The following TUFT1 variants were observed in gnomAD, a reference collection of about 807,000 sequenced individuals.
The protein encoded by TUFT1 is tuftelin.
TUFT1 carries 43 observed loss-of-function variants against 57.8 expected under a neutral mutation model. The ratio of observed to expected loss-of-function variants is 0.74; its 90% CI spans 0.58 to 0.96. TUFT1 has a LOEUF of 0.96. TUFT1 is among the 40% of genes least tolerant of loss of function. The pLI is 0.00. For missense variants in TUFT1, 459 were observed against 489.0 expected, an observed-to-expected ratio of 0.94 and a Z score of 0.58; for synonymous variants, 166 against 176.7, an observed-to-expected ratio of 0.94 and a Z score of 0.48.
At chr1:151,573,760 T>C (rs1003492799) in intron 7 of TUFT1, among the ~76,000 whole-genome samples, 3 of 152,016 alleles carry the variant, frequency 2.0e-5, no homozygotes, top group African/African-American at 7.2e-5. Context: ...AAAATAATAA[T>C]AATAAATAAA....
chr1:151,551,987 C>T (rs1360929479), intron 1 of TUFT1, among the ~76,000 whole-genome samples: 2 of 152,150 alleles, frequency 1.3e-5, no homozygotes, highest in Non-Finnish European at 2.9e-5. Context: ...TGCAGAAGCC[C>T]CCTCATGTCC....
At position 151,581,502 on chromosome 1, in the gene TUFT1, A is replaced by T. The variant is rs571917177; in HGVS notation, c.1110-142A>T. On this transcript the variant is annotated intron_variant, in intron 12 of 12. Coordinates refer to ENST00000368849, the MANE Select transcript of TUFT1 (RefSeq NM_020127.3). Reference sequence around the variant, plus strand: ...GTTGTCACTGATAATTACTGTTTTAAAGCACTTGGAACCCAAGTGATCAGC... The same window carrying T: ...GTTGTCACTGATAATTACTGTTTTATAGCACTTGGAACCCAAGTGATCAGC... 1.8e-5 allele frequency: 13 copies of T among 740,506 alleles called. No homozygotes were observed. In the African/African-American group the frequency reaches 1.9e-4, roughly 11 times the overall value. 45.9% of individuals were successfully genotyped at this position (740,506 alleles called of 1,614,324 possible). A position where few individuals can be genotyped will look rare whatever the true frequency, so the allele number is the denominator to read the frequency against.
chr1:151,577,037 G>A (rs1241305314), intron 9 of TUFT1, among the ~76,000 whole-genome samples: 1 of 152,132 alleles, frequency 6.6e-6, no homozygotes, highest in Admixed American at 6.6e-5. Context: ...CCTTCCTAAA[G>A]TGCTGGGATT....
chr1:151,541,582 A>G (rs1665168954), intron 1 of TUFT1, among the ~76,000 whole-genome samples: 2 of 151,932 alleles, frequency 1.3e-5, no homozygotes, highest in African/African-American at 4.8e-5. Context: ...AGCTAACCCA[A>G]CTGCAGCTAG....
chr1:151,572,807 C>T (rs1666299564), intron 7 of TUFT1, among the ~76,000 whole-genome samples: 1 of 152,222 alleles, frequency 6.6e-6, no homozygotes, highest in African/African-American at 2.4e-5. Context: ...CGTCCCATCA[C>T]ACATCACCTG....
chr1:151,544,665 C>T (rs371614920), intron 1 of TUFT1, among the ~76,000 whole-genome samples: 8 of 152,274 alleles, frequency 5.3e-5, no homozygotes, highest in African/African-American at 9.6e-5. Context: ...GACGTGATCT[C>T]GGACATTTAA....
chr1:151,567,114 T>C (rs1666110747), intron 6 of TUFT1, among the ~76,000 whole-genome samples: 1 of 152,206 alleles, frequency 6.6e-6, no homozygotes, highest in Admixed American at 6.5e-5. Flanking sequence ...TTGCCCAGGC[T>C]GCTCTTGAAT....
At chr1:151,561,396 C>G (rs187535572) in intron 1 of TUFT1, among the ~76,000 whole-genome samples, 1 of 151,446 alleles carries the variant, frequency 6.6e-6, no homozygotes, top group South Asian at 2.1e-4. Context: ...CGCCTGTAGT[C>G]CCAGCTACTT....
chr1:151,579,211 T>A (rs1666571175), intron 10 of TUFT1, among the ~76,000 whole-genome samples: 2 of 152,174 alleles, frequency 1.3e-5, no homozygotes, highest in South Asian at 4.1e-4. Flanking sequence ...ACTTAGGATT[T>A]GTCTATTTGC....
At chr1:151,551,076 A>G (rs1665493361) in intron 1 of TUFT1, among the ~76,000 whole-genome samples, 1 of 152,334 alleles carries the variant, frequency 6.6e-6, no homozygotes, top group South Asian at 2.1e-4. Flanking sequence ...AATCCCCCCA[A>G]AATAGCTCAT....
At position 151,582,140 on chromosome 1, in the gene TUFT1, T is replaced by C; in HGVS notation, c.*433T>C. On this transcript the variant is annotated 3_prime_UTR_variant, in exon 13 of 13. Transcript: ENST00000368849. The stretch of plus-strand genomic sequence containing the variant: ...TGGAGAATGTCCTGGGGGAATGAAG[T>C]TCCTTCCACAAACACAGCTCAGTTC... The C allele has an allele frequency of 2.2e-6, 1 of 463,198 alleles. No individual in the cohort carries two copies. The allele number at this position is 463,198 out of a possible 1,614,324, so 28.7% of individuals were successfully genotyped here.
At chr1:151,571,399 T>C (rs1381308455) in intron 7 of TUFT1, among the ~76,000 whole-genome samples, 2 of 152,150 alleles carry the variant, frequency 1.3e-5, no homozygotes, top group Non-Finnish European at 2.9e-5. Flanking sequence ...GGCACTTTAT[T>C]ATTCTGAAGG....
At chr1:151,562,751 A>G (rs1434637029) in intron 3 of TUFT1, 65 bp downstream of exon 3, 2 of 1,396,564 alleles carry the variant, frequency 1.4e-6, no homozygotes, top group Admixed American at 1.8e-5. Flanking sequence ...TATGAGAAGG[A>G]GCAGTTGATG....
At chr1:151,553,440 A>G (rs1665573712) in intron 1 of TUFT1, among the ~76,000 whole-genome samples, 1 of 152,108 alleles carries the variant, frequency 6.6e-6, no homozygotes, top group Admixed American at 6.5e-5. Flanking sequence ...AAGTCAGAGT[A>G]ATATTTTTAG....
At chr1:151,561,629 T>G in intron 1 of TUFT1, 1 of 1,185,706 alleles carries the variant, frequency 8.4e-7, no homozygotes, top group East Asian at 6.1e-5. Context: ...GAAATGGGAG[T>G]TTGAATTCAG....
rs762023996 is a variant in TUFT1, at chr1:151,540,334, C to A, written c.-33C>A. The A allele has an allele frequency of 1.2e-6, 2 of 1,613,800 alleles. No individual in the cohort carries two copies. Among genetic ancestry groups the A allele is most frequent in the South Asian group, 2.2e-5 (2 of 91,070 alleles). On this transcript the variant is annotated 5_prime_UTR_variant, in exon 1 of 13. Coordinates refer to ENST00000368849, the MANE Select transcript of TUFT1 (RefSeq NM_020127.3). ...AGTTGGAGCCAGACAGCGGGGTGGA[C>A]AAGTGGCGTGTGTGCTGCGACCCCG...
chr1:151,581,819 C>G lies in TUFT1; in HGVS notation c.*112C>G. Reference sequence around the variant, plus strand: ...CTTCCTGACTGTCCCCTGGCTGCACCCAGGACTTCGGGCTCCTGTGTCTCA... The same window carrying G: ...CTTCCTGACTGTCCCCTGGCTGCACGCAGGACTTCGGGCTCCTGTGTCTCA... On this transcript the variant is annotated 3_prime_UTR_variant, in exon 13 of 13. Transcript: ENST00000368849. 8.5e-7 allele frequency: 1 copy of G among 1,170,740 alleles called. No individual in the cohort carries two copies. The highest frequency in any genetic ancestry group is 1.3e-6 in the Non-Finnish European group (1 of 796,880). The allele number at this position is 1,170,740 out of a possible 1,614,324, so 72.5% of individuals were successfully genotyped here. A position where few individuals can be genotyped will look rare whatever the true frequency, so the allele number is the denominator to read the frequency against.
rs1665974834 is a variant in TUFT1 at position 151,563,828 on chromosome 1, C to T, written c.238-76C>T. Reference sequence around the variant, plus strand: ...TGGTAACAATTTACCCTCCCACCAGCACTATATGAAGCTGCCTATTTTTGT... The same window carrying T: ...TGGTAACAATTTACCCTCCCACCAGTACTATATGAAGCTGCCTATTTTTGT... On this transcript the variant is annotated intron_variant, in intron 3 of 12. Coordinates refer to ENST00000368849, the MANE Select transcript of TUFT1 (RefSeq NM_020127.3). The T allele has an allele frequency of 3.2e-6, 4 of 1,260,568 alleles. No individual in the cohort carries two copies. The Admixed American group carries it at 5.2e-5, about 16-fold the overall frequency. The allele number at this position is 1,260,568 out of a possible 1,614,324, so 78.1% of individuals were successfully genotyped here. A position where few individuals can be genotyped will look rare whatever the true frequency, so the allele number is the denominator to read the frequency against.
intron 6 of TUFT1, 151 bp downstream of exon 6, chr1:151,566,379 CAA>C: frequency 1.5e-6 from 1 of 655,342 alleles, no homozygotes; most frequent in South Asian, 1.8e-5. Context: ...CAGAGAAATA[CAA>C]AGAGTAGAAA....
Sources: gnomAD v4.1 joint callset for allele counts (sites outside exome capture counted in the v4.1 genomes callset) on GRCh38, gnomAD v4.1.1 for gene constraint, MANE v1.5 for transcripts, NCBI Gene and HGNC (gene_info 2026-07-23, HGNC 2026-07-21) for gene names.